The following GRM7 variants were observed in gnomAD, a reference collection of about 807,000 sequenced individuals.
The protein encoded by GRM7 is glutamate metabotropic receptor 7.
Under a neutral mutation model 84.5 loss-of-function variants are expected in GRM7, and 35 were observed. That is an observed-to-expected ratio of 0.41 (90% CI 0.32 to 0.55). The LOEUF is 0.55. Among genes scored for constraint, GRM7 ranks in the 20% least tolerant of loss-of-function variants. The probability of loss-of-function intolerance (pLI) is 0.19; values close to 1 mark genes in which losing one functional copy is unlikely to be tolerated. For missense variants in GRM7, 1,003 were observed against 1,194.6 expected, an observed-to-expected ratio of 0.84 and a Z score of 2.36; for synonymous variants, 487 against 455.1, an observed-to-expected ratio of 1.07 and a Z score of -0.89.
chr3:7,497,547 A>G (rs996254813), intron 7 of GRM7, among the ~76,000 whole-genome samples: 1 of 152,196 alleles, frequency 6.6e-6, no homozygotes, highest in African/African-American at 2.4e-5. Flanking sequence ...CTTACAGATT[A>G]CATGTTAGCA....
intron 1 of GRM7, among the ~76,000 whole-genome samples, chr3:7,136,887 A>C (rs1693790820): frequency 6.6e-6 from 1 of 152,122 alleles, no homozygotes; most frequent in African/African-American, 2.4e-5. Context: ...TGATACAGAT[A>C]ATTGTTTAAT....
At chr3:7,393,440 C>T (rs775194302) in intron 4 of GRM7, among the ~76,000 whole-genome samples, 2 of 152,208 alleles carry the variant, frequency 1.3e-5, no homozygotes, top group South Asian at 2.1e-4. Flanking sequence ...ATGTTTCTCT[C>T]TCACTGTTTC....
rs1156806975 is a variant in GRM7, at chr3:6,965,458, G to A, written c.519+103551G>A. Among the ~76,000 whole-genome samples, 3 of 152,088 alleles carry A rather than the reference G, an allele frequency of 2.0e-5. No homozygotes were observed. In the South Asian group the frequency reaches 6.2e-4, roughly 32 times the overall value. On this transcript the variant is annotated intron_variant, in intron 1 of 9. Coordinates refer to ENST00000357716, the MANE Select transcript of GRM7 (RefSeq NM_000844.4). Reference sequence around the variant, plus strand: ...TTAGCCTCCCCAGTAGCTGGGACTTGTGGAACTATAGGCATGTGCCACCAT... The same window carrying A: ...TTAGCCTCCCCAGTAGCTGGGACTTATGGAACTATAGGCATGTGCCACCAT...
intron 1 of GRM7, among the ~76,000 whole-genome samples, chr3:6,911,001 A>G (rs963146266): frequency 1.3e-5 from 2 of 151,868 alleles, no homozygotes; most frequent in African/African-American, 4.8e-5. Context: ...ACCTACCACT[A>G]TTTTTTTCCT....
chr3:7,647,713 G>A (rs1201185289), intron 8 of GRM7, among the ~76,000 whole-genome samples: 2 of 152,142 alleles, frequency 1.3e-5, no homozygotes, highest in African/African-American at 4.8e-5. Flanking sequence ...GCAGACTCAA[G>A]AGATGTGGAT....
At chr3:7,671,391 G>C (rs1379604824) in intron 8 of GRM7, among the ~76,000 whole-genome samples, 1 of 152,104 alleles carries the variant, frequency 6.6e-6, no homozygotes, top group South Asian at 2.1e-4. Flanking sequence ...TTCCAGTCAG[G>C]AGAGCACAGC....
rs528090192 is a variant in GRM7, at chr3:7,473,431, G to T, written c.1515+11709G>T. Among the ~76,000 whole-genome samples the T allele has an allele frequency of 5.9e-5, 9 of 151,376 alleles. No homozygotes were observed. The East Asian group carries it at 1.8e-3, about 30-fold the overall frequency. Reference sequence around the variant, plus strand: ...TTCGAGAAAGCAATGAGCTATGACTGCACTGCTGCACTCCAACCTACGCAA... The same window carrying T: ...TTCGAGAAAGCAATGAGCTATGACTTCACTGCTGCACTCCAACCTACGCAA... On this transcript the variant is annotated intron_variant, in intron 7 of 9. Coordinates refer to ENST00000357716, the MANE Select transcript of GRM7 (RefSeq NM_000844.4).
At chr3:7,315,690 C>G (rs1700558113) in intron 4 of GRM7, among the ~76,000 whole-genome samples, 1 of 152,186 alleles carries the variant, frequency 6.6e-6, no homozygotes, top group Admixed American at 6.5e-5. Context: ...AGGGCCACTG[C>G]TAAGCCTGGT....
intron 4 of GRM7, among the ~76,000 whole-genome samples, chr3:7,339,306 T>A (rs1170623984): frequency 6.6e-6 from 1 of 152,124 alleles, no homozygotes; most frequent in African/African-American, 2.4e-5. Flanking sequence ...CCAGCTCTTT[T>A]GTTTCATTGC....
At chr3:7,270,903 C>G (rs1698829495) in intron 2 of GRM7, among the ~76,000 whole-genome samples, 1 of 152,174 alleles carries the variant, frequency 6.6e-6, no homozygotes, top group South Asian at 2.1e-4. Flanking sequence ...ATTTTGGTCC[C>G]AGTCCACCTG....
chr3:7,678,869 G>T (rs1287935291), intron 8 of GRM7, among the ~76,000 whole-genome samples: 2 of 152,216 alleles, frequency 1.3e-5, no homozygotes, highest in East Asian at 3.9e-4. Flanking sequence ...TGTTTAACCA[G>T]TGAGTTATAG....
intron 8 of GRM7, among the ~76,000 whole-genome samples, chr3:7,672,552 T>C (rs1162902615): frequency 1.3e-5 from 2 of 152,194 alleles, no homozygotes; most frequent in Admixed American, 6.5e-5. Flanking sequence ...AAAACTGGTT[T>C]ATTTCTCATA....
chr3:7,074,881 T>C (rs981128087), intron 1 of GRM7, among the ~76,000 whole-genome samples: 43 of 152,278 alleles, frequency 2.8e-4, no homozygotes, highest in Middle Eastern at 3.4e-3. Flanking sequence ...GCTTAGCACA[T>C]GGTAGATTTT....
At chr3:7,417,163 T>A (rs1224412238) in intron 5 of GRM7, among the ~76,000 whole-genome samples, 1 of 152,160 alleles carries the variant, frequency 6.6e-6, no homozygotes, top group East Asian at 1.9e-4. Context: ...TGTGTCTTCC[T>A]AACTAATATG....
chr3:7,107,220 C>T (rs1499153), intron 1 of GRM7, among the ~76,000 whole-genome samples: 61,504 of 151,802 alleles, frequency 0.41, 13,279 homozygotes, highest in African/African-American at 0.57. Flanking sequence ...AAAACAGACA[C>T]GCACGGTTTC....
intron 8 of GRM7, among the ~76,000 whole-genome samples, chr3:7,615,618 G>A (rs1180167694): frequency 6.6e-6 from 1 of 152,018 alleles, no homozygotes; most frequent in African/African-American, 2.4e-5. Flanking sequence ...ATGAGGGTGG[G>A]TATATTTCTA....
intron 7 of GRM7, among the ~76,000 whole-genome samples, chr3:7,529,262 G>A (rs934908832): frequency 6.6e-6 from 1 of 152,072 alleles, no homozygotes; most frequent in Admixed American, 6.6e-5. Context: ...TACATCTCCA[G>A]TATGTAGCCT....
chr3:7,263,271 C>T (rs2124962755), intron 2 of GRM7, among the ~76,000 whole-genome samples: 1 of 152,238 alleles, frequency 6.6e-6, no homozygotes, highest in African/African-American at 2.4e-5. Context: ...TTTTTTGACT[C>T]CTCAAGGTTG....
rs1695885942 is a variant in GRM7 at position 7,196,566 on chromosome 3, T to C, written c.736+49898T>C. ...TGCTTTTGGACCTTTAAAGATGTTG[T>C]TCCCTCTGCCCGAAATGGCCTTTCA... On this transcript the variant is annotated intron_variant, in intron 2 of 9. Coordinates refer to ENST00000357716, the MANE Select transcript of GRM7 (RefSeq NM_000844.4). 3.3e-5 allele frequency among the ~76,000 whole-genome samples: 5 copies of C among 152,134 alleles called. 1 individual carries two copies. The South Asian group carries it at 1.0e-3, about 31-fold the overall frequency.
Sources: gnomAD v4.1 joint callset for allele counts (sites outside exome capture counted in the v4.1 genomes callset) on GRCh38, gnomAD v4.1.1 for gene constraint, MANE v1.5 for transcripts, NCBI Gene and HGNC (gene_info 2026-07-23, HGNC 2026-07-21) for gene names.